Variants in DOCK1 observed in about 807,000 individuals in gnomAD.
The protein encoded by DOCK1 is dedicator of cytokinesis protein 1.
Under a neutral mutation model 262.7 loss-of-function variants are expected in DOCK1, and 138 were observed. That is an observed-to-expected ratio of 0.53 (90% CI 0.46 to 0.61). DOCK1 has a LOEUF of 0.61. DOCK1 is among the 20% of genes least tolerant of loss of function. The pLI is 0.00. For missense variants in DOCK1, 1,908 were observed against 2,370.7 expected (o/e 0.80, Z 4.05); for synonymous variants, 866 against 867.4 (o/e 1.00, Z 0.03).
In DOCK1 at chr10:127,031,603, A is replaced by T. The variant is rs756987378; in HGVS notation, c.1625-47A>T. ...TAGCTTCTTATAATGTTATTTTGTC[A>T]TGATAATTGAAAGCAATCATCAATT... On this transcript the variant is annotated intron_variant, in intron 16 of 51. Coordinates refer to ENST00000623213, the MANE Select transcript of DOCK1 (RefSeq NM_001290223.2). 2.1e-5 allele frequency: 30 copies of T among 1,417,714 alleles called. No homozygotes were observed. The East Asian group carries it at 6.6e-4, about 31-fold the overall frequency. The allele number at this position is 1,417,714 out of a possible 1,614,324, so 87.8% of individuals were successfully genotyped here.
intron 42 of DOCK1, among the ~76,000 whole-genome samples, chr10:127,409,699 A>G (rs1045808680): frequency 6.6e-6 from 1 of 152,114 alleles, no homozygotes; most frequent in Admixed American, 6.5e-5. Context: ...CCTGTGGGGT[A>G]CAATCCCCTA....
intron 28 of DOCK1, among the ~76,000 whole-genome samples, chr10:127,250,516 C>T (rs377658980): frequency 2.9e-4 from 44 of 152,134 alleles, no homozygotes; most frequent in East Asian, 2.5e-3. Context: ...GTTGGCCGGG[C>T]GTGGTGGCTC....
At position 127,012,573 on chromosome 10, in the gene DOCK1, A is replaced by G. The variant is rs912820717; in HGVS notation, c.1201+199A>G. 6.6e-6 allele frequency among the ~76,000 whole-genome samples: 1 copy of G among 152,092 alleles called. No homozygotes were observed. Among genetic ancestry groups the G allele is most frequent in the Non-Finnish European group, 1.5e-5 (1 of 68,024 alleles). ...GTTTTCTTGCCCGTCACCTTTGTGA[A>G]CATTGCTGAGAGCCCACTCCTGGAT... On this transcript the variant is annotated intron_variant, in intron 12 of 51. Transcript: ENST00000623213. This position sits in a 1 kb window ranked among gnomAD's most constrained non-coding sequence, Gnocchi z 4.0.
intron 2 of DOCK1, among the ~76,000 whole-genome samples, chr10:126,972,852 C>T (rs1183656547): frequency 6.6e-6 from 1 of 151,692 alleles, no homozygotes; most frequent in Admixed American, 6.6e-5. Flanking sequence ...GCCAGTGCAG[C>T]TCTGCAAAAA....
chr10:127,362,135 G>A lies in DOCK1; in HGVS notation c.3355G>A (p.Glu1119Lys). 1 of 1,613,842 alleles carries A rather than the reference G, an allele frequency of 6.2e-7. No homozygotes were observed. The highest frequency in any genetic ancestry group is 8.5e-7 in the Non-Finnish European group (1 of 1,179,850). Residue 1119 changes from glutamate to lysine, a missense_variant, in exon 33 of 52, where the codon GAG becomes AAG. This residue lies in a region of DOCK1 where 518 missense variants were observed against 575.1 expected (regional missense o/e 0.90). Coordinates refer to ENST00000623213, the MANE Select transcript of DOCK1 (RefSeq NM_001290223.2). ...ILEMTLIPET[E>K]LRKATIPIFF... ...AGAAATGACATTAATTCCCGAGACG[G>A]AGCTGCGCAAAGCCACCATCCCCAT...
chr10:127,385,245 A>G (rs1416189944), intron 38 of DOCK1, among the ~76,000 whole-genome samples: 1 of 152,180 alleles, frequency 6.6e-6, no homozygotes, highest in Non-Finnish European at 1.5e-5. Flanking sequence ...TTCTGTTGGC[A>G]CGGAAGAATT....
rs540534113 is a variant in DOCK1 at position 127,175,004 on chromosome 10, T to A, written c.2847+47240T>A. The stretch of plus-strand genomic sequence containing the variant: ...AATTCAAGGCCAGAAAGATGAACAT[T>A]AACCAGAAAGCGTATCGTGCAGGAT... On this transcript the variant is annotated intron_variant, in intron 27 of 51. Coordinates refer to ENST00000623213, the MANE Select transcript of DOCK1 (RefSeq NM_001290223.2). The surrounding 1 kb of genome is among the most constrained non-coding windows in gnomAD (Gnocchi z 6.3). Among the ~76,000 whole-genome samples, 21 of 152,184 alleles carry A rather than the reference T, an allele frequency of 1.4e-4. No individual in the cohort carries two copies. The highest frequency in any genetic ancestry group is 3.3e-4 in the Admixed American group (5 of 15,280).
At chr10:127,171,893 C>T (rs1018032109) in intron 27 of DOCK1, among the ~76,000 whole-genome samples, 2 of 152,110 alleles carry the variant, frequency 1.3e-5, no homozygotes, top group East Asian at 1.9e-4. Context: ...TTAGTAGAGA[C>T]GGGATTTCAC....
chr10:127,001,144 A>T (rs1227182092), intron 10 of DOCK1, among the ~76,000 whole-genome samples: 1 of 151,992 alleles, frequency 6.6e-6, no homozygotes. Flanking sequence ...ATTTATTTTA[A>T]TTTTTGTGAT....
intron 30 of DOCK1, among the ~76,000 whole-genome samples, chr10:127,342,814 T>C (rs1270754617): frequency 6.6e-6 from 1 of 152,126 alleles, no homozygotes; most frequent in Non-Finnish European, 1.5e-5. Context: ...GAAATATGGG[T>C]TTATTGAAAG....
At chr10:127,374,253 G>A in intron 35 of DOCK1, 39 bp downstream of exon 35, 1 of 1,579,546 alleles carries the variant, frequency 6.3e-7, no homozygotes, top group Non-Finnish European at 8.6e-7. Context: ...AGTTTTCACA[G>A]CACACCAGAA....
intron 46 of DOCK1, among the ~76,000 whole-genome samples, chr10:127,423,138 G>T (rs1565080342): frequency 6.6e-6 from 1 of 152,122 alleles, no homozygotes; most frequent in Admixed American, 6.6e-5. Flanking sequence ...CCCGTATCTT[G>T]GTATTGGCAA....
chr10:127,055,399 C>A (rs997893780), intron 22 of DOCK1, among the ~76,000 whole-genome samples: 3 of 152,174 alleles, frequency 2.0e-5, no homozygotes, highest in Non-Finnish European at 4.4e-5. Context: ...GCCAGCTATT[C>A]TTCTTTGAAA....
intron 29 of DOCK1, among the ~76,000 whole-genome samples, chr10:127,295,732 T>A (rs1199349755): frequency 6.6e-6 from 1 of 151,818 alleles, no homozygotes; most frequent in African/African-American, 2.4e-5. Flanking sequence ...CCAAGGTTGC[T>A]TAAACAAACA....
In DOCK1 at chr10:127,169,254, C is replaced by T. The variant is rs138121647; in HGVS notation, c.2847+41490C>T. 5.0e-3 allele frequency among the ~76,000 whole-genome samples: 761 copies of T among 152,224 alleles called. 26 individuals are homozygous for T. Among genetic ancestry groups the T allele is most frequent in the Admixed American group, 0.042 (638 of 15,292 alleles). On this transcript the variant is annotated intron_variant, in intron 27 of 51. Transcript: ENST00000623213. ...TTGTATGGGCTGATGAACAATTAAG[C>T]GTATATTTGAACAGCCTGAATGCCG...
intron 29 of DOCK1, among the ~76,000 whole-genome samples, chr10:127,264,361 G>A (rs1298328193): frequency 1.3e-5 from 2 of 152,174 alleles, no homozygotes; most frequent in African/African-American, 2.4e-5. Context: ...TAGGTTTTGT[G>A]TTTGAGACTT....
intron 23 of DOCK1, among the ~76,000 whole-genome samples, chr10:127,103,169 C>T (rs1160488594): frequency 6.6e-6 from 1 of 152,154 alleles, no homozygotes; most frequent in Non-Finnish European, 1.5e-5. Flanking sequence ...TGTATGAATT[C>T]CCCTCTTGAA....
intron 12 of DOCK1, among the ~76,000 whole-genome samples, chr10:127,016,746 C>CAA (rs2041928872): frequency 7.3e-6 from 1 of 136,796 alleles, no homozygotes; most frequent in Non-Finnish European, 1.6e-5. Flanking sequence ...CACACACACA[C>CAA]ACTAACACAG....
chr10:127,205,629 T>A (rs1340291066), intron 27 of DOCK1, among the ~76,000 whole-genome samples: 1 of 152,266 alleles, frequency 6.6e-6, no homozygotes, highest in Non-Finnish European at 1.5e-5. Flanking sequence ...AGTTCCTTGT[T>A]GGACTTTTGC....
Sources: allele counts gnomAD v4.1 joint callset (sites outside exome capture counted in the v4.1 genomes callset), GRCh38; gene constraint gnomAD v4.1.1; regional missense constraint gnomAD v4.1.1; non-coding constraint Gnocchi (gnomAD v3.1); transcripts MANE v1.5; gene names NCBI Gene and HGNC (gene_info 2026-07-23, HGNC 2026-07-21).